The following CBFA2T2 variants were observed in gnomAD, a reference collection of about 807,000 sequenced individuals.
CBFA2T2 encodes protein CBFA2T2.
A neutral mutation model predicts 62.2 loss-of-function variants in CBFA2T2; 11 were observed. The observed-to-expected ratio is 0.18, with a 90% confidence interval of 0.11 to 0.29. The LOEUF is 0.29. CBFA2T2 is among the 10% of genes least tolerant of loss of function. The pLI, the probability that CBFA2T2 is intolerant of heterozygous loss-of-function variation, is 1.00. For missense variants in CBFA2T2, 592 were observed against 774.1 expected, an observed-to-expected ratio of 0.76 and a Z score of 2.79; for synonymous variants, 295 against 287.5, an observed-to-expected ratio of 1.03 and a Z score of -0.27.
chr20:33,633,370 C>CAAAA (rs200773570), intron 8 of CBFA2T2, among the ~76,000 whole-genome samples: 3 of 116,354 alleles, frequency 2.6e-5, no homozygotes, highest in South Asian at 2.8e-4. Flanking sequence ...GACTCTGTCG[C>CAAAA]AAAAAAAAAA....
intron 1 of CBFA2T2, among the ~76,000 whole-genome samples, chr20:33,531,421 CTG>C (rs1375416524): frequency 6.6e-6 from 1 of 152,188 alleles, no homozygotes; most frequent in Admixed American, 6.5e-5. Context: ...TCCTCTTCAT[CTG>C]TGTTTAGGAT....
At chr20:33,579,813 C>T (rs1002664510) in intron 1 of CBFA2T2, among the ~76,000 whole-genome samples, 1 of 118,936 alleles carries the variant, frequency 8.4e-6, no homozygotes, top group Non-Finnish European at 1.7e-5. Context: ...CTCTCTCTCT[C>T]TCTCTTTTTT....
intron 1 of CBFA2T2, among the ~76,000 whole-genome samples, chr20:33,520,994 A>G (rs893909664): frequency 2.7e-5 from 4 of 149,624 alleles, no homozygotes; most frequent in African/African-American, 9.9e-5. Flanking sequence ...ACACACACAC[A>G]CACACAATTT....
At chr20:33,552,423 G>A (rs1326652306) in intron 1 of CBFA2T2, among the ~76,000 whole-genome samples, 1 of 152,152 alleles carries the variant, frequency 6.6e-6, no homozygotes, top group East Asian at 1.9e-4. Context: ...AATTGGCTTA[G>A]TAATTGAATC....
intron 1 of CBFA2T2, among the ~76,000 whole-genome samples, chr20:33,561,485 T>A (rs1372333256): frequency 6.6e-6 from 1 of 152,238 alleles, no homozygotes; most frequent in Non-Finnish European, 1.5e-5. Context: ...TTTGCCCCAG[T>A]GGTACCATTT....
At chr20:33,615,269 A>C (rs898195944) in intron 3 of CBFA2T2, among the ~76,000 whole-genome samples, 2 of 152,236 alleles carry the variant, frequency 1.3e-5, no homozygotes, top group Non-Finnish European at 2.9e-5. Context: ...ACTATACCAG[A>C]AAGCAAGCAT....
At chr20:33,551,452 G>A (rs1286595203) in intron 1 of CBFA2T2, among the ~76,000 whole-genome samples, 2 of 151,992 alleles carry the variant, frequency 1.3e-5, no homozygotes, top group Non-Finnish European at 2.9e-5. Flanking sequence ...CCGACCTCAG[G>A]TGATCTGCCT....
chr20:33,498,064 G>A (rs946705532), intron 1 of CBFA2T2, among the ~76,000 whole-genome samples: 3 of 151,856 alleles, frequency 2.0e-5, no homozygotes, highest in African/African-American at 7.3e-5. Context: ...TAAAATTTTT[G>A]TTTGTTAATT....
intron 2 of CBFA2T2, 77 bp downstream of exon 2, chr20:33,607,176 C>A: frequency 7.5e-7 from 1 of 1,331,012 alleles, no homozygotes; most frequent in Admixed American, 2.0e-5. Context: ...ATGAAGCGTT[C>A]CACATATATT....
At chr20:33,506,727 C>T (rs1257080127) in intron 1 of CBFA2T2, among the ~76,000 whole-genome samples, 2 of 152,180 alleles carry the variant, frequency 1.3e-5, no homozygotes, top group African/African-American at 4.8e-5. Context: ...GATTCTGGTT[C>T]AATCAATGGA....
At chr20:33,567,842 C>T (rs1315597246) in intron 1 of CBFA2T2, among the ~76,000 whole-genome samples, 2 of 152,182 alleles carry the variant, frequency 1.3e-5, no homozygotes, top group Non-Finnish European at 2.9e-5. Context: ...CTTCGGCCTC[C>T]CAAAGTGCTG....
intron 1 of CBFA2T2, among the ~76,000 whole-genome samples, chr20:33,506,858 T>C (rs1013353163): frequency 2.6e-5 from 4 of 152,182 alleles, no homozygotes; most frequent in African/African-American, 9.7e-5. Context: ...GGTCTCTAAA[T>C]AGTTCATGCT....
chr20:33,637,257 A>T (rs1041333868), intron 9 of CBFA2T2, among the ~76,000 whole-genome samples: 2 of 152,354 alleles, frequency 1.3e-5, no homozygotes, highest in Admixed American at 1.3e-4. Flanking sequence ...TGTCAGCCTT[A>T]TCCAAATATT....
chr20:33,625,782 TACAACA>T (rs760809236), intron 6 of CBFA2T2, among the ~76,000 whole-genome samples: 1 of 152,008 alleles, frequency 6.6e-6, no homozygotes, highest in East Asian at 1.9e-4. Flanking sequence ...ACCTCATCTC[TACAACA>T]ACAACAACAA....
intron 1 of CBFA2T2, among the ~76,000 whole-genome samples, chr20:33,497,400 C>A (rs966884237): frequency 4.6e-5 from 7 of 151,880 alleles, no homozygotes; most frequent in African/African-American, 1.7e-4. Context: ...TCATTAGTCC[C>A]AGGGTATTAC....
chr20:33,628,553 C>T, intron 7 of CBFA2T2, 118 bp downstream of exon 7: 2 of 710,998 alleles, frequency 2.8e-6, no homozygotes, highest in Non-Finnish European at 5.0e-6. Context: ...ACTGCAACTT[C>T]TGCTTCCCAG....
intron 1 of CBFA2T2, among the ~76,000 whole-genome samples, chr20:33,529,422 A>C (rs1334520937): frequency 4.0e-4 from 61 of 152,232 alleles, no homozygotes; most frequent in Non-Finnish European, 5.9e-5. Flanking sequence ...TAACTAGTGC[A>C]GGAGCTCTTT....
chr20:33,542,439 A>ATT (rs542730477), intron 1 of CBFA2T2, among the ~76,000 whole-genome samples: 1 of 151,332 alleles, frequency 6.6e-6, no homozygotes. Flanking sequence ...TTAGTTTTAA[A>ATT]TTTTTTTTTA....
intron 1 of CBFA2T2, among the ~76,000 whole-genome samples, chr20:33,554,595 CTTTTCTTTTTTTTTTT>C (rs2146887416): frequency 1.1e-5 from 1 of 89,492 alleles, no homozygotes; most frequent in African/African-American, 4.4e-5. Context: ...TTTCCTTTTT[CTTTTCTTTTTTTTTTT>C]TTTTTTTTTT....
Sources: allele counts gnomAD v4.1 joint callset (sites outside exome capture counted in the v4.1 genomes callset), GRCh38; gene constraint gnomAD v4.1.1; transcripts MANE v1.5; gene names NCBI Gene and HGNC (gene_info 2026-07-23, HGNC 2026-07-21).